Variants in ZNF761 observed in about 807,000 individuals in gnomAD.
ZNF761 encodes the protein zinc finger protein 761.
A neutral mutation model predicts 59.9 loss-of-function variants in ZNF761; 43 were observed. The observed-to-expected ratio is 0.72, with a 90% confidence interval of 0.56 to 0.92. The LOEUF (loss-of-function observed/expected upper bound fraction) is 0.92. ZNF761 is among the 40% of genes least tolerant of loss of function. The pLI, the probability that ZNF761 is intolerant of heterozygous loss-of-function variation, is 0.00. For missense variants in ZNF761, 850 were observed against 906.1 expected (o/e 0.94, Z 0.79); for synonymous variants, 294 against 304.8 (o/e 0.96, Z 0.37).
At chr19:53,449,828 A>T (rs2086201106) in intron 4 of ZNF761, 190 bp downstream of exon 4, 2 of 1,373,874 alleles carry the variant, frequency 1.5e-6, no homozygotes, top group Non-Finnish European at 1.9e-6. Flanking sequence ...TAGCTGGTAC[A>T]GGTGCATGCC....
intron 3 of ZNF761, among the ~76,000 whole-genome samples, chr19:53,448,529 G>A (rs549322529): frequency 6.6e-6 from 1 of 152,284 alleles, no homozygotes; most frequent in African/African-American, 2.4e-5. Flanking sequence ...TTTCTACATC[G>A]TTATGAGACT....
chr19:53,436,901 C>T (rs560641968), intron 1 of ZNF761, among the ~76,000 whole-genome samples: 1 of 152,324 alleles, frequency 6.6e-6, no homozygotes, highest in South Asian at 2.1e-4. Flanking sequence ...TTTCACAAGG[C>T]ACGGCTCCTA....
chr19:53,449,732 A>C (rs975401415), intron 4 of ZNF761, 94 bp downstream of exon 4: 12 of 1,583,638 alleles, frequency 7.6e-6, no homozygotes, highest in Admixed American at 1.8e-5. Context: ...TCTGTCACCC[A>C]GGGTAGAGTG....
At chr19:53,444,549 T>C (rs112376041) in intron 1 of ZNF761, 37,487 of 152,140 alleles carry the variant, frequency 0.25, 4,904 homozygotes, top group Middle Eastern at 0.3. Flanking sequence ...TCCTGCCACA[T>C]TCCCCTCACT....
At chr19:53,446,697 CAG>C (rs568941672) in intron 2 of ZNF761, among the ~76,000 whole-genome samples, 94 of 143,908 alleles carry the variant, frequency 6.5e-4, no homozygotes, top group African/African-American at 2.2e-3. Flanking sequence ...TTCGTAGAGA[CAG>C]GGTTTCACAG....
At chr19:53,449,362 G>A (rs2086194653) in intron 3 of ZNF761, 150 bp from the exon 4 acceptor site, 1 of 1,593,944 alleles carries the variant, frequency 6.3e-7, no homozygotes, top group African/African-American at 1.3e-5. Flanking sequence ...ACACAACTGG[G>A]AAGACAAAAT....
intron 4 of ZNF761, 83 bp downstream of exon 4, chr19:53,449,721 C>T (rs1336960683): frequency 2.5e-6 from 4 of 1,585,870 alleles, no homozygotes; most frequent in Non-Finnish European, 3.4e-6. Context: ...CAGTGTCTTG[C>T]TCTGTCACCC....
At chr19:53,436,435 T>C (rs2086042929) in intron 1 of ZNF761, among the ~76,000 whole-genome samples, 1 of 152,188 alleles carries the variant, frequency 6.6e-6, no homozygotes, top group Non-Finnish European at 1.5e-5. Flanking sequence ...TGACTTATGA[T>C]TAGGGCAGGC....
chr19:53,445,840 C>T lies in ZNF761; in HGVS notation c.-184-387C>T, dbSNP rs546075803. On this transcript the variant is annotated intron_variant, in intron 1 of 4. Coordinates refer to ENST00000684525, the MANE Select transcript of ZNF761 (RefSeq NM_001289951.2). Reference sequence around the variant, plus strand: ...CAGTCCCTGGCAGGGAACCCTCCACCAGCTTCCCGTGTTCCCCAGAACAAA... The same window carrying T: ...CAGTCCCTGGCAGGGAACCCTCCACTAGCTTCCCGTGTTCCCCAGAACAAA... 1.4e-3 allele frequency among the ~76,000 whole-genome samples: 220 copies of T among 152,280 alleles called. 1 individual carries two copies. Among genetic ancestry groups the T allele is most frequent in the African/African-American group, 5.1e-3 (213 of 41,558 alleles).
intron 4 of ZNF761, chr19:53,450,024 G>A: frequency 2.2e-6 from 1 of 448,604 alleles, no homozygotes; most frequent in Non-Finnish European, 3.9e-6. Context: ...CATATGTGTG[G>A]CCGGGCTTGG....
intron 1 of ZNF761, among the ~76,000 whole-genome samples, chr19:53,433,100 A>G (rs1319954429): frequency 8.6e-5 from 13 of 151,652 alleles, no homozygotes; most frequent in East Asian, 1.9e-4. Flanking sequence ...AGGCGCAGAG[A>G]TGGTGTTGCG....
chr19:53,455,793 G>T lies in ZNF761; in HGVS notation c.1286G>T (p.Arg429Leu). 3.7e-6 allele frequency: 6 copies of T among 1,613,140 alleles called. No individual in the cohort carries two copies. Among genetic ancestry groups the T allele is most frequent in the Non-Finnish European group, 5.1e-6 (6 of 1,179,810 alleles). Residue 429 changes from arginine (R) to leucine (L), a missense_variant, in exon 5 of 5, where the codon CGG becomes CTG. Arg to Leu is a moderately radical substitution (Grantham distance 102). Coordinates refer to ENST00000684525, the MANE Select transcript of ZNF761 (RefSeq NM_001289951.2). Reference sequence around the variant, plus strand: ...TTCAGATCAAATTTTGAAATACATCGGAAAATTCATACTGAAGACAATGCT... The same window carrying T: ...TTCAGATCAAATTTTGAAATACATCTGAAAATTCATACTGAAGACAATGCT... The part of the protein sequence containing the change: ...YSFRSNFEIH[R>L]KIHTEDNAYK...
intron 1 of ZNF761, among the ~76,000 whole-genome samples, chr19:53,438,103 A>G (rs10421072): frequency 0.57 from 42,799 of 75,692 alleles, 14,842 homozygotes; most frequent in Non-Finnish European, 0.64. Flanking sequence ...GTTATGGAGA[A>G]GAGCTGCCTG....
chr19:53,438,270 G>A (rs1268999721), intron 1 of ZNF761, among the ~76,000 whole-genome samples: 1 of 152,140 alleles, frequency 6.6e-6, no homozygotes, highest in Non-Finnish European at 1.5e-5. Flanking sequence ...TGTGGCACCG[G>A]GACAGTTAGT....
At chr19:53,454,453 C>T (rs957779693) in intron 4 of ZNF761, among the ~76,000 whole-genome samples, 197 bp from the exon 5 acceptor site, 2 of 152,156 alleles carry the variant, frequency 1.3e-5, no homozygotes, top group Admixed American at 6.5e-5. Context: ...TGGAAATAGA[C>T]TTCCGTAAAA....
rs532452303 is a variant in ZNF761 at position 53,439,684 on chromosome 19, A to G, written c.-184-6543A>G. On this transcript the variant is annotated intron_variant, in intron 1 of 4. Transcript: ENST00000684525. ...ATGGATAGTTACTGTGGCCTGGTTT[A>G]TAGCATGCAAATATTGCACTGGCCT... Among the ~76,000 whole-genome samples, 3 of 152,308 alleles carry G rather than the reference A, an allele frequency of 2.0e-5. No homozygotes were observed. In the South Asian group the frequency reaches 6.2e-4, roughly 32 times the overall value.
At chr19:53,440,553 C>G (rs1262475294) in intron 1 of ZNF761, among the ~76,000 whole-genome samples, 2 of 152,152 alleles carry the variant, frequency 1.3e-5, no homozygotes, top group Non-Finnish European at 2.9e-5. Context: ...CCTATTCAGC[C>G]AGAGGGCAGT....
rs2086061166 is a variant in ZNF761 at position 53,438,081 on chromosome 19, T to C, written c.-185+6053T>C. Among the ~76,000 whole-genome samples the C allele has an allele frequency of 1.9e-5, 2 of 104,948 alleles. 1 individual carries two copies. Among genetic ancestry groups the C allele is most frequent in the African/African-American group, 6.7e-5 (2 of 29,990 alleles). The allele number at this position is 104,948 out of a possible 152,430, so 68.8% of individuals were successfully genotyped here. A position where few individuals can be genotyped will look rare whatever the true frequency, so the allele number is the denominator to read the frequency against. ...TCTCATTGGGAAATACCTCGTCTAC[T>C]GTTTTGACACAGTTATGGAGAAGAG... is the stretch of plus-strand genomic sequence containing the variant. On this transcript the variant is annotated intron_variant, in intron 1 of 4. Coordinates refer to ENST00000684525, the MANE Select transcript of ZNF761 (RefSeq NM_001289951.2).
In ZNF761 at chr19:53,454,734, T is replaced by G; in HGVS notation, c.227T>G (p.Ile76Arg). 6.2e-7 allele frequency: 1 copy of G among 1,614,050 alleles called. No homozygotes were observed. ...GTGTTCCATGCAGGGACATTGCAAA[T>G]ACATGAAAGTCATCACAATGGAGAT... ...REVFHAGTLQ[I>R]HESHHNGDFC... The change falls in exon 5 of 5, where the codon ATA (isoleucine) becomes AGA (arginine). Residue 76 changes from isoleucine (I) to arginine (R), a missense_variant. Ile to Arg is a moderately conservative substitution (Grantham distance 97, BLOSUM62 -3). Coordinates refer to ENST00000684525, the MANE Select transcript of ZNF761 (RefSeq NM_001289951.2).
Sources: gnomAD v4.1 joint callset for allele counts (sites outside exome capture counted in the v4.1 genomes callset) on GRCh38, gnomAD v4.1.1 for gene constraint, MANE v1.5 for transcripts, NCBI Gene and HGNC (gene_info 2026-07-23, HGNC 2026-07-21) for gene names.